Variants in FAT1 observed in about 807,000 individuals in gnomAD.
The protein encoded by FAT1 is FAT atypical cadherin 1.
A neutral mutation model predicts 329.8 loss-of-function variants in FAT1; 171 were observed. The ratio of observed to expected loss-of-function variants is 0.52; its 90% CI spans 0.46 to 0.59. FAT1 has a LOEUF of 0.59. Ranked by LOEUF, FAT1 falls within the 20% of genes least tolerant of loss-of-function variation. The pLI is 0.00. For synonymous variants in FAT1, 2,233 were observed against 2,228.6 expected, an observed-to-expected ratio of 1.00 and a Z score of -0.06; for missense variants, 5,672 against 5,774.4, an observed-to-expected ratio of 0.98 and a Z score of 0.57.
Position 186,588,391 on chromosome 4 carries a change from G to T in FAT1, c.*201C>A, listed in dbSNP as rs76191145. ...TAAATCCCAAAAGACGTTGGGAAATGGCACAGCCGATGAAAACCTCACGAT... is the reference window on the plus strand; with the variant it reads ...TAAATCCCAAAAGACGTTGGGAAATTGCACAGCCGATGAAAACCTCACGAT... On this transcript the variant is annotated 3_prime_UTR_variant, in exon 27 of 27. Transcript: ENST00000441802. 1,523 of 588,068 alleles carry T rather than the reference G, an allele frequency of 2.6e-3. 13 individuals are homozygous for T. The highest frequency in any genetic ancestry group is 0.016 in the Middle Eastern group (35 of 2,198). 36.4% of individuals were successfully genotyped at this position (588,068 alleles called of 1,614,324 possible).
intron 2 of FAT1, among the ~76,000 whole-genome samples, chr4:186,699,545 C>T (rs575687981): frequency 1.3e-5 from 2 of 152,234 alleles, no homozygotes; most frequent in South Asian, 4.1e-4. Context: ...TGGAGAACTG[C>T]CAATTCAACA....
chr4:186,636,726 G>C lies in FAT1; in HGVS notation c.3831C>G (p.Thr1277=), dbSNP rs553222395. The C allele has an allele frequency of 6.2e-7, 1 of 1,613,746 alleles. No individual in the cohort carries two copies. The highest frequency in any genetic ancestry group is 8.5e-7 in the Non-Finnish European group (1 of 1,179,868). ...RREPLYHVIA[T]DKDEGPNAEI... ...CTGCATTGGGGCCCTCATCCTTGTC[G>C]GTGGCTATGACGTGATAGAGCGGCT... is the stretch of plus-strand genomic sequence containing the variant. Residue 1277 remains threonine (T), a synonymous_variant, in exon 5 of 27, where the codon ACC becomes ACG. Transcript: ENST00000441802.
chr4:186,614,697 A>G (rs1255772922), intron 11 of FAT1, among the ~76,000 whole-genome samples: 1 of 152,246 alleles, frequency 6.6e-6, no homozygotes, highest in African/African-American at 2.4e-5. Context: ...TTACCTAAAA[A>G]CTGCAGAGAA....
intron 2 of FAT1, among the ~76,000 whole-genome samples, chr4:186,675,782 AACACAC>A (rs66981811): frequency 0.16 from 23,256 of 143,072 alleles, 2,448 homozygotes; most frequent in East Asian, 0.52. Flanking sequence ...CCCTGTCTAA[AACACAC>A]ACACACACAC....
At position 186,628,169 on chromosome 4, in the gene FAT1, A is replaced by C. The variant is rs556046628; in HGVS notation, c.4795T>G (p.Tyr1599Asp). The C allele has an allele frequency of 6.2e-7, 1 of 1,613,898 alleles. No homozygotes were observed. Among genetic ancestry groups the C allele is most frequent in the Non-Finnish European group, 8.5e-7 (1 of 1,179,850 alleles). ...KDKGKNAEVL[Y>D]SIESGNIGNS... ...CCAAAAGTACCTGACTCGATCGAGT[A>C]CAGCACTTCAGCATTTTTCCCTTTG... Residue 1599 changes from tyrosine (Y) to aspartate (D), a missense_variant, in exon 9 of 27, where the codon TAC (tyrosine) becomes GAC (aspartate). Tyr to Asp is a radical substitution (Grantham distance 160). This residue lies in a region of FAT1 where 3,966 missense variants were observed against 3,915.2 expected (regional missense o/e 1.01). Transcript: ENST00000441802.
chr4:186,701,956 C>T (rs991993892), intron 2 of FAT1, among the ~76,000 whole-genome samples: 1 of 151,852 alleles, frequency 6.6e-6, no homozygotes, highest in African/African-American at 2.4e-5. Context: ...GGCCAGGAGC[C>T]GACCCCACAC....
intron 7 of FAT1, among the ~76,000 whole-genome samples, chr4:186,632,856 T>G (rs1374160837): frequency 6.6e-6 from 1 of 152,180 alleles, no homozygotes; most frequent in African/African-American, 2.4e-5. Flanking sequence ...TTTAACTTCT[T>G]TCTTTTTCAT....
chr4:186,709,582 C>G lies in FAT1; in HGVS notation c.246G>C (p.Leu82=), dbSNP rs1256667506. Residue 82 remains leucine (L), a synonymous_variant, in exon 2 of 27, where the codon CTG becomes CTC. Transcript: ENST00000441802. The part of the protein sequence containing the change: ...YKIVSGDSEN[L]FKAEEYILGD... ...CGAGAATGTACTCTTCAGCTTTGAA[C>G]AGGTTTTCACTGTCTCCGGAAACAA... 2 of 1,613,996 alleles carry G rather than the reference C, an allele frequency of 1.2e-6. No individual in the cohort carries two copies. The highest frequency in any genetic ancestry group is 1.7e-6 in the Non-Finnish European group (2 of 1,179,884).
chr4:186,592,087 A>G (rs575684884), intron 26 of FAT1, among the ~76,000 whole-genome samples: 1 of 152,278 alleles, frequency 6.6e-6, no homozygotes, highest in East Asian at 1.9e-4. Flanking sequence ...TACAGTTTGA[A>G]AAGTACTAGC....
chr4:186,649,225 G>A (rs937171862), intron 3 of FAT1, among the ~76,000 whole-genome samples: 1 of 152,060 alleles, frequency 6.6e-6, no homozygotes, highest in South Asian at 2.1e-4. Context: ...TGCAACTACC[G>A]ACCAAATCAT....
chr4:186,607,044 C>T (rs1383879494), intron 16 of FAT1, among the ~76,000 whole-genome samples: 1 of 152,206 alleles, frequency 6.6e-6, no homozygotes, highest in Non-Finnish European at 1.5e-5. Context: ...TTCTGCCCCA[C>T]AGTGGGGGCA....
Position 186,708,803 on chromosome 4 carries a change from C to G in FAT1, c.1025G>C (p.Gly342Ala), listed in dbSNP as rs377127443. The G allele has an allele frequency of 4.0e-5, 64 of 1,613,820 alleles. No individual in the cohort carries two copies. The highest frequency in any genetic ancestry group is 5.4e-5 in the Non-Finnish European group (64 of 1,179,884). The change falls in exon 2 of 27, where the codon GGA becomes GCA. Residue 342 changes from glycine to alanine, a missense_variant. Physicochemically the swap from Gly to Ala is moderately conservative, Grantham distance 60. This residue lies in a region of FAT1 where 3,966 missense variants were observed against 3,915.2 expected (regional missense o/e 1.01). Transcript: ENST00000441802. ...YNLTLQAKDKGTPPQFSSVKV... is the reference protein window; with the variant it reads ...YNLTLQAKDKATPPQFSSVKV... ...AACAGAAGAGAACTGGGGCGGAGTT[C>G]CTTTATCTTTAGCCTGTAGTGTGAG...
At chr4:186,706,011 T>G (rs554498912) in intron 2 of FAT1, among the ~76,000 whole-genome samples, 20 of 152,284 alleles carry the variant, frequency 1.3e-4, no homozygotes, top group Admixed American at 1.0e-3. Flanking sequence ...GTCTTCTCAG[T>G]TCAGCATGCC....
At chr4:186,590,286 A>G in intron 26 of FAT1, 1 of 850,110 alleles carries the variant, frequency 1.2e-6, no homozygotes, top group Non-Finnish European at 1.7e-6. Flanking sequence ...TGGGCGACCC[A>G]GCGTAGTCAG....
chr4:186,651,405 G>A (rs756692587), intron 3 of FAT1, among the ~76,000 whole-genome samples: 3 of 152,160 alleles, frequency 2.0e-5, no homozygotes, highest in Non-Finnish European at 2.9e-5. Flanking sequence ...GCAAGTGAGC[G>A]GGAGTGACAG....
Position 186,605,202 on chromosome 4 carries a change from G to GT in FAT1, c.10351-629dup, listed in dbSNP as rs564731683. ...TTGCACTCTAGCCTGGGCAATGAGT[G>GT]TAACTCCATCTCAGAAAAAAAAAAA... On this transcript the variant is annotated intron_variant, in intron 17 of 26. Coordinates refer to ENST00000441802, the MANE Select transcript of FAT1 (RefSeq NM_005245.4). Among the ~76,000 whole-genome samples, 158 of 125,654 alleles carry GT rather than the reference G, an allele frequency of 1.3e-3. 1 individual carries two copies. Among genetic ancestry groups the GT allele is most frequent in the South Asian group, 8.1e-3 (27 of 3,316 alleles). 82.4% of individuals were successfully genotyped at this position (125,654 alleles called of 152,430 possible). A position where few individuals can be genotyped will look rare whatever the true frequency, so the allele number is the denominator to read the frequency against.
At chr4:186,655,420 TCAGTAAC>T (rs1419231643) in intron 3 of FAT1, among the ~76,000 whole-genome samples, 11 of 146,272 alleles carry the variant, frequency 7.5e-5, no homozygotes, top group South Asian at 2.2e-4. Context: ...GGCAAGTTCA[TCAGTAAC>T]CACAATAAGG....
chr4:186,679,981 A>T (rs372403250), intron 2 of FAT1, among the ~76,000 whole-genome samples: 3 of 152,342 alleles, frequency 2.0e-5, no homozygotes, highest in South Asian at 2.1e-4. Flanking sequence ...CAGGCCCAGT[A>T]AACTAACCTG....
At chr4:186,661,570 T>A (rs116574011) in intron 3 of FAT1, among the ~76,000 whole-genome samples, 198 of 152,366 alleles carry the variant, frequency 1.3e-3, no homozygotes, top group African/African-American at 4.6e-3. Context: ...ACACCCTGAC[T>A]CTACCGGGAC....
Sources: gnomAD v4.1 joint callset for allele counts (sites outside exome capture counted in the v4.1 genomes callset) on GRCh38, gnomAD v4.1.1 for gene constraint, gnomAD v4.1.1 regional missense constraint, MANE v1.5 for transcripts, NCBI Gene and HGNC (gene_info 2026-07-23, HGNC 2026-07-21) for gene names.